Variants in CNTN6 observed in about 807,000 individuals in gnomAD.
CNTN6 encodes contactin-6.
Under a neutral mutation model 122.8 loss-of-function variants are expected in CNTN6, and 137 were observed. The ratio of observed to expected loss-of-function variants is 1.12; its 90% confidence interval spans 0.97 to 1.29. The LOEUF is 1.29. Among genes scored for constraint, CNTN6 ranks in the 50% most tolerant of loss-of-function variants. The pLI, the probability that CNTN6 is intolerant of heterozygous loss-of-function variation, is 0.00. For synonymous variants in CNTN6, 570 were observed against 426.0 expected (o/e 1.34, Z -4.16); for missense variants, 1,634 against 1,223.4 (o/e 1.34, Z -5.01).
chr3:1,225,418 A>C (rs1480188042), intron 3 of CNTN6, among the ~76,000 whole-genome samples: 2 of 152,172 alleles, frequency 1.3e-5, no homozygotes, highest in Non-Finnish European at 2.9e-5. Flanking sequence ...TGAAAAATTC[A>C]TTTGCTGCCG....
chr3:1,122,830 ATTTG>A (rs1018729509), intron 1 of CNTN6, among the ~76,000 whole-genome samples: 7 of 151,756 alleles, frequency 4.6e-5, no homozygotes, highest in East Asian at 1.9e-4. Context: ...ACATATCACA[ATTTG>A]TTTGTTAGTT....
rs2093705505 is a variant in CNTN6, at chr3:1,191,723, G to A, written c.56-28964G>A. On this transcript the variant is annotated intron_variant, in intron 2 of 22. Coordinates refer to ENST00000446702, the MANE Select transcript of CNTN6 (RefSeq NM_001289080.2). ...CTTGCAACTGGCACCTGAAATGGAG[G>A]GTGTTCTTGTGGGATTGAACTCCTA... is the stretch of plus-strand genomic sequence containing the variant. Among the ~76,000 whole-genome samples, 3 of 152,236 alleles carry A rather than the reference G, an allele frequency of 2.0e-5. No homozygotes were observed. In the South Asian group the frequency reaches 6.2e-4, roughly 32 times the overall value.
intron 2 of CNTN6, among the ~76,000 whole-genome samples, chr3:1,186,998 T>G (rs1201088319): frequency 6.6e-6 from 1 of 152,008 alleles, no homozygotes; most frequent in Non-Finnish European, 1.5e-5. Context: ...ATGCAGCCAA[T>G]TAGGAGAAAT....
chr3:1,357,003 A>G lies in CNTN6; in HGVS notation c.1492+4552A>G, dbSNP rs750083884. On this transcript the variant is annotated intron_variant, in intron 12 of 22. Transcript: ENST00000446702. ...ATCAATGTTGTCTTGGTCTTCATGA[A>G]AATTTAGTTCACAATCTTTTTTAAA... Among the ~76,000 whole-genome samples the G allele has an allele frequency of 2.0e-4, 30 of 151,884 alleles. 1 individual carries two copies. The highest frequency in any genetic ancestry group is 4.6e-4 in the Admixed American group (7 of 15,186).
intron 1 of CNTN6, among the ~76,000 whole-genome samples, chr3:1,137,141 A>G (rs568550590): frequency 7.2e-5 from 11 of 152,290 alleles, no homozygotes; most frequent in African/African-American, 2.4e-4. Context: ...CTTACCTGGT[A>G]TAGTGTAGAG....
intron 11 of CNTN6, among the ~76,000 whole-genome samples, chr3:1,339,694 G>C (rs1015821716): frequency 1.3e-5 from 2 of 151,966 alleles, no homozygotes; most frequent in African/African-American, 4.8e-5. Context: ...ATCCAGACTT[G>C]GTGTCATTTC....
At chr3:1,168,826 A>T (rs188087070) in intron 2 of CNTN6, among the ~76,000 whole-genome samples, 1 of 152,198 alleles carries the variant, frequency 6.6e-6, no homozygotes, top group Non-Finnish European at 1.5e-5. Context: ...AAAAAGGGAC[A>T]TTCTAGAAGC....
intron 12 of CNTN6, among the ~76,000 whole-genome samples, chr3:1,371,802 C>T (rs1391491474): frequency 1.3e-5 from 2 of 152,096 alleles, no homozygotes; most frequent in African/African-American, 2.4e-5. Context: ...ATTAGAGCTA[C>T]GTCAAAGACA....
At chr3:1,102,825 A>T (rs2090999445) in intron 1 of CNTN6, among the ~76,000 whole-genome samples, 1 of 148,352 alleles carries the variant, frequency 6.7e-6, no homozygotes, top group African/African-American at 2.4e-5. Context: ...ATTAATGTCC[A>T]GGCCGGGAGC....
chr3:1,372,387 C>T lies in CNTN6; in HGVS notation c.1581C>T (p.Pro527=). ...TACCATGCCAGGTGTCCCATGACCC[C>T]TCCATTGAAGTGGTATTTGTATGGT... ...IVLPCQVSHD[P]SIEVVFVWFF... The change falls in exon 13 of 23, where the codon CCC becomes CCT. Residue 527 remains proline (P), a synonymous_variant. Coordinates refer to ENST00000446702, the MANE Select transcript of CNTN6 (RefSeq NM_001289080.2). 6.2e-7 allele frequency: 1 copy of T among 1,613,324 alleles called. No individual in the cohort carries two copies. Among genetic ancestry groups the T allele is most frequent in the Non-Finnish European group, 8.5e-7 (1 of 1,179,514 alleles).
chr3:1,364,858 G>C (rs1272079772), intron 12 of CNTN6, among the ~76,000 whole-genome samples: 1 of 152,038 alleles, frequency 6.6e-6, no homozygotes, highest in East Asian at 1.9e-4. Context: ...TTAAGAATAG[G>C]ACTGCTAGAT....
At chr3:1,125,196 T>A (rs931247715) in intron 1 of CNTN6, among the ~76,000 whole-genome samples, 17 of 151,996 alleles carry the variant, frequency 1.1e-4, no homozygotes, top group African/African-American at 4.1e-4. Context: ...TCTAAATCTT[T>A]ACTTATCTGT....
At chr3:1,162,425 G>A (rs914848569) in intron 2 of CNTN6, among the ~76,000 whole-genome samples, 5 of 152,104 alleles carry the variant, frequency 3.3e-5, no homozygotes, top group South Asian at 2.1e-4. Flanking sequence ...CTTCTTCTTC[G>A]TAAAAGTCTT....
At chr3:1,213,828 A>T (rs887101524) in intron 2 of CNTN6, among the ~76,000 whole-genome samples, 5 of 151,750 alleles carry the variant, frequency 3.3e-5, no homozygotes, top group Admixed American at 6.6e-5. Flanking sequence ...AGACAAAAAA[A>T]TTTTTTAAAT....
intron 1 of CNTN6, among the ~76,000 whole-genome samples, chr3:1,144,956 T>C (rs1243673895): frequency 6.6e-6 from 1 of 152,072 alleles, no homozygotes. Context: ...CTCCGGAGGA[T>C]TGGGTATTTT....
At chr3:1,176,452 C>G (rs991904183) in intron 2 of CNTN6, among the ~76,000 whole-genome samples, 1 of 152,118 alleles carries the variant, frequency 6.6e-6, no homozygotes, top group African/African-American at 2.4e-5. Context: ...TTTGATTCAA[C>G]CTGGTTAGCC....
intron 4 of CNTN6, among the ~76,000 whole-genome samples, chr3:1,250,981 A>T (rs1196382513): frequency 2.0e-5 from 3 of 152,152 alleles, no homozygotes; most frequent in East Asian, 3.9e-4. Flanking sequence ...ATTAGCCCGC[A>T]CTACTCATAA....
At chr3:1,402,724 T>A (rs1483417708) in intron 22 of CNTN6, 1 of 388,264 alleles carries the variant, frequency 2.6e-6, no homozygotes, top group East Asian at 4.0e-5. Flanking sequence ...AAAAAAAATC[T>A]TTGTGTCATT....
intron 2 of CNTN6, among the ~76,000 whole-genome samples, chr3:1,187,276 C>CTTTT (rs10710040): frequency 6.7e-6 from 1 of 148,370 alleles, no homozygotes; most frequent in Non-Finnish European, 1.5e-5. Flanking sequence ...TCCATACATA[C>CTTTT]TTTTTTTTTT....
Sources: allele counts gnomAD v4.1 joint callset (sites outside exome capture counted in the v4.1 genomes callset), GRCh38; gene constraint gnomAD v4.1.1; transcripts MANE v1.5; gene names NCBI Gene and HGNC (gene_info 2026-07-23, HGNC 2026-07-21).